The following FCRL6 variants were observed in gnomAD, a reference collection of about 807,000 sequenced individuals.
FCRL6 encodes Fc receptor-like protein 6.
In FCRL6, 50 loss-of-function variants were observed where a neutral mutation model predicts 49.1. The ratio of observed to expected loss-of-function variants is 1.02; its 90% CI spans 0.81 to 1.29. FCRL6 has a LOEUF of 1.29. Ranked by LOEUF, FCRL6 falls within the 50% of genes most tolerant of loss-of-function variation. The pLI is 0.00. For synonymous variants in FCRL6, 213 were observed against 199.6 expected (o/e 1.07, Z -0.57); for missense variants, 571 against 518.5 (o/e 1.10, Z -0.98).
Position 159,815,936 on chromosome 1 carries a change from T to C in FCRL6, c.*275T>C. On this transcript the variant is annotated 3_prime_UTR_variant, in exon 10 of 10. Coordinates refer to ENST00000368106, the MANE Select transcript of FCRL6 (RefSeq NM_001004310.3). ...ACACATAAGCCACAGATGTCTTCTT[T>C]CCATACAAGCATGTTAGTTCGCCCC... is the stretch of plus-strand genomic sequence containing the variant. 1 of 403,562 alleles carries C rather than the reference T, an allele frequency of 2.5e-6. No homozygotes were observed. Among genetic ancestry groups the C allele is most frequent in the Non-Finnish European group, 4.7e-6 (1 of 214,888 alleles). The allele number at this position is 403,562 out of a possible 1,614,324, so 25.0% of individuals were successfully genotyped here.
rs1196555546 is a variant in FCRL6, at chr1:159,802,413, A to G, written c.-12A>G. 1.2e-6 allele frequency: 2 copies of G among 1,613,858 alleles called. No individual in the cohort carries two copies. Among genetic ancestry groups the G allele is most frequent in the South Asian group, 1.1e-5 (1 of 91,000 alleles). ...TGACCTGTGTTCCCTCCGCTGTGCC[A>G]GAACAGGCCCCATGCTGCTCTGGAC... On this transcript the variant is annotated 5_prime_UTR_variant, in exon 1 of 10. Transcript: ENST00000368106.
chr1:159,809,532 G>A lies in FCRL6; in HGVS notation c.735G>A (p.Glu245=). The stretch of plus-strand genomic sequence containing the variant: ...TCCTGTATTCCTTCTACCTTGATGA[G>A]AAGATTGTGGGGAACCACTCAGCTC... The part of the protein sequence containing the change: ...PPILYSFYLD[E]KIVGNHSAPC... The change falls in exon 5 of 10, where the codon GAG becomes GAA. Residue 245 remains glutamate (E), a synonymous_variant. Transcript: ENST00000368106. 6.2e-7 allele frequency: 1 copy of A among 1,614,224 alleles called. No homozygotes were observed. The highest frequency in any genetic ancestry group is 8.5e-7 in the Non-Finnish European group (1 of 1,180,032).
At chr1:159,803,206 C>T (rs373157082) in intron 1 of FCRL6, among the ~76,000 whole-genome samples, 26 of 152,176 alleles carry the variant, frequency 1.7e-4, no homozygotes, top group African/African-American at 4.6e-4. Context: ...GAGGATTGCA[C>T]GCAGAGGGTC....
intron 4 of FCRL6, 60 bp downstream of exon 4, chr1:159,809,305 C>A: frequency 6.6e-7 from 1 of 1,526,578 alleles, no homozygotes. Flanking sequence ...AGTGGGATCC[C>A]CTGGGACTAA....
At chr1:159,809,787 A>C in intron 5 of FCRL6, 104 bp downstream of exon 5, 1 of 1,031,148 alleles carries the variant, frequency 9.7e-7, no homozygotes, top group Non-Finnish European at 1.4e-6. Context: ...TGCTGGACTC[A>C]TGGCAGCCAC....
rs1663352276 is a variant in FCRL6 at position 159,815,533 on chromosome 1, C to CA, written c.1180-2dup. The CA allele has an allele frequency of 2.5e-6, 4 of 1,614,204 alleles. No homozygotes were observed. In the South Asian group the frequency reaches 4.4e-5, roughly 18 times the overall value. On this transcript the variant is annotated splice_region_variant and splice_polypyrimidine_tract_variant and intron_variant, in intron 9 of 9. Coordinates refer to ENST00000368106, the MANE Select transcript of FCRL6 (RefSeq NM_001004310.3). ...TCCTCATCCTGAGCCAACTCTTCCA[C>CA]AGGACAGTTCTATCATCTGTGCGGA...
chr1:159,814,409 T>C (rs1663269129), intron 8 of FCRL6, 117 bp downstream of exon 8: 1 of 720,746 alleles, frequency 1.4e-6, no homozygotes, highest in Non-Finnish European at 2.4e-6. Flanking sequence ...ACCATCACTA[T>C]CACCAAGACC....
Position 159,808,978 on chromosome 1 carries a change from G to C in FCRL6, c.337G>C (p.Val113Leu). The part of the protein sequence containing the change: ...VQVQELFPPP[V>L]LSAIPSPEPR... ...CTCCCCAGAGCTGTTTCCACCTCCT[G>C]TGCTGAGTGCCATCCCCTCTCCTGA... The change falls in exon 4 of 10, where the codon GTG becomes CTG. Residue 113 changes from valine to leucine, a missense_variant. Coordinates refer to ENST00000368106, the MANE Select transcript of FCRL6 (RefSeq NM_001004310.3). The C allele has an allele frequency of 6.2e-7, 1 of 1,611,078 alleles. No individual in the cohort carries two copies. The highest frequency in any genetic ancestry group is 8.5e-7 in the Non-Finnish European group (1 of 1,178,340).
At chr1:159,808,907 G>A in intron 3 of FCRL6, 54 bp from the exon 4 acceptor site, 1 of 1,512,638 alleles carries the variant, frequency 6.6e-7, no homozygotes, top group Non-Finnish European at 8.9e-7. Context: ...TCAGCCTCCT[G>A]GGGCTTCATC....
At position 159,809,472 on chromosome 1, in the gene FCRL6, G is replaced by T. The variant is rs776603046; in HGVS notation, c.675G>T (p.Gln225His). Residue 225 changes from glutamine (Q) to histidine (H), a missense_variant, in exon 5 of 10, where the codon CAG becomes CAT. Coordinates refer to ENST00000368106, the MANE Select transcript of FCRL6 (RefSeq NM_001004310.3). ...PADPAVGDMV[Q>H]LLCEAQRGSP... ...ACCCTGCTGTGGGGGACATGGTGCA[G>T]CTCCTCTGTGAGGCACAGAGGGGCT... 3.7e-6 allele frequency: 6 copies of T among 1,613,960 alleles called. No homozygotes were observed. In the African/African-American group the frequency reaches 4.0e-5, roughly 11 times the overall value.
intron 3 of FCRL6, chr1:159,808,760 A>T (rs1431226910): frequency 1.6e-6 from 1 of 627,006 alleles, no homozygotes; most frequent in African/African-American, 1.8e-5. Context: ...TCTGACTTCC[A>T]AGATTCCAGA....
chr1:159,812,312 A>G (rs1156778116), intron 6 of FCRL6, among the ~76,000 whole-genome samples: 1 of 152,216 alleles, frequency 6.6e-6, no homozygotes, highest in Non-Finnish European at 1.5e-5. Flanking sequence ...GCTCTGGGAG[A>G]CTCACAACCA....
intron 1 of FCRL6, among the ~76,000 whole-genome samples, chr1:159,804,972 A>G (rs1208570836): frequency 1.3e-5 from 2 of 152,188 alleles, no homozygotes; most frequent in African/African-American, 4.8e-5. Context: ...GTAAGAAAAA[A>G]ATGACTATTA....
chr1:159,802,186 C>T, upstream of FCRL6: 1 of 464,702 alleles, frequency 2.2e-6, no homozygotes, highest in South Asian at 2.9e-5. Flanking sequence ...GATTTACCGA[C>T]TCCTTCATAC....
chr1:159,814,292 G>T lies in FCRL6; in HGVS notation c.1147G>T (p.Ala383Ser), dbSNP rs546672106. 1 of 1,613,760 alleles carries T rather than the reference G, an allele frequency of 6.2e-7. No individual in the cohort carries two copies. The highest frequency in any genetic ancestry group is 8.5e-7 in the Non-Finnish European group (1 of 1,179,774). The change falls in exon 8 of 10, where the codon GCC (alanine) becomes TCC (serine). Residue 383 changes from alanine to serine, a missense_variant and splice_region_variant. Ala to Ser is a moderately conservative substitution (Grantham distance 99, BLOSUM62 1). Transcript: ENST00000368106. ...VVHRTSKRSE[A>S]RSAEFTVGRK... ...GCATAGAACCTCAAAGAGGAGTGAA[G>T]GTGAGTGATCTCAGGCCAAACTTGG...
At chr1:159,807,056 C>T (rs991243487) in intron 2 of FCRL6, among the ~76,000 whole-genome samples, 1 of 152,180 alleles carries the variant, frequency 6.6e-6, no homozygotes, top group African/African-American at 2.4e-5. Context: ...TGACACTGAC[C>T]TCCATGGAGC....
intron 2 of FCRL6, 132 bp from the exon 3 acceptor site, chr1:159,808,046 G>A: frequency 1.1e-6 from 1 of 947,546 alleles, no homozygotes; most frequent in Non-Finnish European, 1.6e-6. Flanking sequence ...AAGGACTGGA[G>A]ACAGTGACAC....
intron 8 of FCRL6, among the ~76,000 whole-genome samples, chr1:159,814,745 C>T (rs2101763305): frequency 6.6e-6 from 1 of 152,288 alleles, no homozygotes; most frequent in South Asian, 2.1e-4. Flanking sequence ...TCAAGAAGAC[C>T]ATGGGCTCCA....
upstream of FCRL6, chr1:159,802,329 C>T (rs2101725877): frequency 2.1e-6 from 3 of 1,442,926 alleles, no homozygotes; most frequent in East Asian, 7.2e-5. Context: ...TCAGGCCACC[C>T]ACCCACCTTC....
Sources: allele counts gnomAD v4.1 joint callset (sites outside exome capture counted in the v4.1 genomes callset), GRCh38; gene constraint gnomAD v4.1.1; transcripts MANE v1.5; gene names NCBI Gene and HGNC (gene_info 2026-07-23, HGNC 2026-07-21).